FAM131C: variants seen among roughly 807,000 people sequenced by gnomAD.
The protein encoded by FAM131C is family with sequence similarity 131 member C.
Under a neutral mutation model 29.8 loss-of-function variants are expected in FAM131C, and 14 were observed. The ratio of observed to expected loss-of-function variants is 0.47; its 90% CI spans 0.31 to 0.73. FAM131C has a LOEUF of 0.73. Ranked by LOEUF, FAM131C falls within the 30% of genes least tolerant of loss-of-function variation. The pLI is 0.05. For missense variants in FAM131C, 252 were observed against 383.8 expected, an observed-to-expected ratio of 0.66 and a Z score of 2.87; for synonymous variants, 86 against 157.8, an observed-to-expected ratio of 0.54 and a Z score of 3.41.
At chr1:16,061,381 C>G (rs1230142350) in intron 4 of FAM131C, among the ~76,000 whole-genome samples, 2 of 152,062 alleles carry the variant, frequency 1.3e-5, no homozygotes, top group South Asian at 2.1e-4. Flanking sequence ...AGTGCTGGGG[C>G]CACCTGATGC....
chr1:16,062,018 C>G, intron 4 of FAM131C, 81 bp downstream of exon 4: 1 of 1,347,786 alleles, frequency 7.4e-7, no homozygotes, highest in Non-Finnish European at 1.0e-6. Context: ...ACCTGCAACT[C>G]AGCCATGCCC....
intron 2 of FAM131C, among the ~76,000 whole-genome samples, chr1:16,062,746 C>G (rs1234108990): frequency 6.6e-6 from 1 of 152,250 alleles, no homozygotes; most frequent in African/African-American, 2.4e-5. Flanking sequence ...GGACAGGCCT[C>G]GGGTGCCGCT....
chr1:16,059,691 G>A, intron 5 of FAM131C, 87 bp from the exon 6 acceptor site: 1 of 1,313,672 alleles, frequency 7.6e-7, no homozygotes, highest in Non-Finnish European at 1.0e-6. Context: ...CAGGCGGGAG[G>A]GTGGCCACCT....
chr1:16,064,279 C>T (rs997704214), intron 1 of FAM131C, among the ~76,000 whole-genome samples: 2 of 152,166 alleles, frequency 1.3e-5, no homozygotes, highest in Non-Finnish European at 2.9e-5. Context: ...GCTTCTGCCC[C>T]TCCCTCACTG....
chr1:16,060,662 A>G (rs2023580504), intron 4 of FAM131C, among the ~76,000 whole-genome samples: 1 of 152,144 alleles, frequency 6.6e-6, no homozygotes, highest in Non-Finnish European at 1.5e-5. Flanking sequence ...TGAGAAGAGG[A>G]TGAAGGCATG....
At chr1:16,064,330 C>T (rs952188260) in intron 1 of FAM131C, among the ~76,000 whole-genome samples, 1 of 152,174 alleles carries the variant, frequency 6.6e-6, no homozygotes, top group African/African-American at 2.4e-5. Flanking sequence ...GATCTTTCCA[C>T]CCAAATCACC....
At chr1:16,060,946 A>G (rs1156350032) in intron 4 of FAM131C, among the ~76,000 whole-genome samples, 1 of 152,262 alleles carries the variant, frequency 6.6e-6, no homozygotes, top group South Asian at 2.1e-4. Context: ...GGCTGGGCAG[A>G]CAGAGAGGAG....
chr1:16,067,147 G>T (rs1310229165), intron 1 of FAM131C, among the ~76,000 whole-genome samples: 1 of 151,518 alleles, frequency 6.6e-6, no homozygotes, highest in African/African-American at 2.4e-5. Flanking sequence ...TCCCCAGCCC[G>T]CCTGGCTCCC....
chr1:16,060,012 G>A lies in FAM131C; in HGVS notation c.308C>T (p.Thr103Met), dbSNP rs374629671. Residue 103 changes from threonine to methionine, a missense_variant, in exon 5 of 7, where the codon ACG becomes ATG. Transcript: ENST00000375662. Reference sequence around the variant, plus strand: ...GGCCACGCGGCCTCGGGCCATGGCCGTGGGCTTTGTGATGTGGTCCTTGAT... The same window carrying A: ...GGCCACGCGGCCTCGGGCCATGGCCATGGGCTTTGTGATGTGGTCCTTGAT... ...QSIKDHITKP[T>M]AMARGRVAHL... 81 of 1,520,678 alleles carry A rather than the reference G, an allele frequency of 5.3e-5. No individual in the cohort carries two copies. The highest frequency in any genetic ancestry group is 6.8e-5 in the Non-Finnish European group (76 of 1,119,812). 94.2% of individuals were successfully genotyped at this position (1,520,678 alleles called of 1,614,324 possible). A position where few individuals can be genotyped will look rare whatever the true frequency, so the allele number is the denominator to read the frequency against.
intron 1 of FAM131C, among the ~76,000 whole-genome samples, chr1:16,065,682 C>T (rs2023673369): frequency 6.6e-6 from 1 of 152,168 alleles, no homozygotes. Flanking sequence ...TCCGAAAATT[C>T]CCCTTCACTT....
chr1:16,061,150 A>G (rs2023587791), intron 4 of FAM131C, among the ~76,000 whole-genome samples: 1 of 152,200 alleles, frequency 6.6e-6, no homozygotes, highest in South Asian at 2.1e-4. Flanking sequence ...AGAGTGGGGA[A>G]AATGGGAAAG....
At chr1:16,059,165 A>G (rs1305357844) in intron 6 of FAM131C, among the ~76,000 whole-genome samples, 2 of 150,784 alleles carry the variant, frequency 1.3e-5, no homozygotes, top group Admixed American at 1.3e-4. Context: ...TGAACGTCTG[A>G]GTGCCTCTGT....
chr1:16,060,160 T>C, intron 4 of FAM131C, 109 bp from the exon 5 acceptor site: 1 of 583,116 alleles, frequency 1.7e-6, no homozygotes, highest in South Asian at 2.3e-5. Context: ...ATTCCCTCAG[T>C]GCACCATGAT....
chr1:16,061,449 G>A (rs888652549), intron 4 of FAM131C, among the ~76,000 whole-genome samples: 1 of 152,092 alleles, frequency 6.6e-6, no homozygotes, highest in Non-Finnish European at 1.5e-5. Flanking sequence ...AGCTGCTTCA[G>A]GTGCTGCTGC....
In FAM131C at chr1:16,073,162, G is replaced by C. The variant is rs184421506; in HGVS notation, c.22+259C>G. Among the ~76,000 whole-genome samples the C allele has an allele frequency of 9.7e-3, 1,473 of 152,180 alleles. 29 individuals carry two copies. Among genetic ancestry groups the C allele is most frequent in the African/African-American group, 0.034 (1,392 of 41,520 alleles). ...GGCTGTAGGGATGAGAGCGCGGCAC[G>C]GCACGGGACCCTGCTTCGTGTCACC... On this transcript the variant is annotated intron_variant, in intron 1 of 6. Transcript: ENST00000375662.
At chr1:16,071,775 G>A (rs1215046717) in intron 1 of FAM131C, among the ~76,000 whole-genome samples, 1 of 152,186 alleles carries the variant, frequency 6.6e-6, no homozygotes, top group African/African-American at 2.4e-5. Context: ...CAGGTGTGGG[G>A]TCAGAGGACC....
chr1:16,067,868 G>C (rs1229207494), intron 1 of FAM131C, among the ~76,000 whole-genome samples: 1 of 152,040 alleles, frequency 6.6e-6, no homozygotes. Context: ...CTGTTCTCTG[G>C]GGCTCCGTGT....
intron 1 of FAM131C, among the ~76,000 whole-genome samples, chr1:16,065,224 T>C (rs1197263559): frequency 2.0e-5 from 3 of 152,082 alleles, no homozygotes; most frequent in Non-Finnish European, 4.4e-5. Context: ...CATCCCCCAC[T>C]GCACCAACTA....
intron 1 of FAM131C, among the ~76,000 whole-genome samples, chr1:16,067,866 T>C (rs1475739776): frequency 1.3e-5 from 2 of 152,156 alleles, no homozygotes; most frequent in Non-Finnish European, 2.9e-5. Context: ...AGCTGTTCTC[T>C]GGGGCTCCGT....
Sources: gnomAD v4.1 joint callset for allele counts (sites outside exome capture counted in the v4.1 genomes callset) on GRCh38, gnomAD v4.1.1 for gene constraint, MANE v1.5 for transcripts, NCBI Gene and HGNC (gene_info 2026-07-23, HGNC 2026-07-21) for gene names.